KIAA1328: variants seen among roughly 807,000 people sequenced by gnomAD.
KIAA1328 encodes protein hinderin.
Under a neutral mutation model 68.1 loss-of-function variants are expected in KIAA1328, and 52 were observed. The observed-to-expected ratio is 0.76, with a 90% confidence interval of 0.61 to 0.96. KIAA1328 has a LOEUF of 0.96. Among genes scored for constraint, KIAA1328 ranks in the 40% least tolerant of loss-of-function variants. KIAA1328 has a pLI of 0.00. For missense variants in KIAA1328, 641 were observed against 677.6 expected, an observed-to-expected ratio of 0.95 and a Z score of 0.60; for synonymous variants, 232 against 239.4, an observed-to-expected ratio of 0.97 and a Z score of 0.28.
chr18:36,918,685 G>A (rs1402215547), intron 5 of KIAA1328, among the ~76,000 whole-genome samples: 1 of 152,074 alleles, frequency 6.6e-6, no homozygotes, highest in Non-Finnish European at 1.5e-5. Context: ...AAAGTGCTGG[G>A]ATTACATGCG....
intron 3 of KIAA1328, among the ~76,000 whole-genome samples, chr18:36,839,939 A>G (rs1346247161): frequency 2.0e-5 from 3 of 152,118 alleles, no homozygotes; most frequent in Non-Finnish European, 4.4e-5. Flanking sequence ...TCTCACATAC[A>G]TATGCTGGTC....
chr18:37,098,482 T>C (rs1456481809), intron 7 of KIAA1328, among the ~76,000 whole-genome samples: 1 of 152,198 alleles, frequency 6.6e-6, no homozygotes, highest in Admixed American at 6.5e-5. Flanking sequence ...TTGCCAGTAT[T>C]TTATTGAGGA....
At chr18:36,976,010 A>G (rs1003846756) in intron 6 of KIAA1328, among the ~76,000 whole-genome samples, 22 of 152,240 alleles carry the variant, frequency 1.4e-4, no homozygotes, top group Non-Finnish European at 1.3e-4. Flanking sequence ...CATAGAAATC[A>G]ATTGCAATCA....
chr18:37,009,964 G>A (rs2053915589), intron 6 of KIAA1328, among the ~76,000 whole-genome samples: 1 of 152,078 alleles, frequency 6.6e-6, no homozygotes, highest in Non-Finnish European at 1.5e-5. Context: ...TAAAAATTAG[G>A]CAGCTGAAAT....
At chr18:37,175,554 A>G (rs546114308) in intron 9 of KIAA1328, among the ~76,000 whole-genome samples, 92 of 152,344 alleles carry the variant, frequency 6.0e-4, no homozygotes, top group Middle Eastern at 3.4e-3. Context: ...TTAGAAATGC[A>G]TGATGACATC....
chr18:37,195,143 C>G (rs2059979210), intron 9 of KIAA1328, among the ~76,000 whole-genome samples: 1 of 152,100 alleles, frequency 6.6e-6, no homozygotes, highest in Non-Finnish European at 1.5e-5. Context: ...CTAGTTTGAA[C>G]TATATTACTG....
At chr18:37,073,498 C>T (rs1176125100) in intron 7 of KIAA1328, among the ~76,000 whole-genome samples, 1 of 152,144 alleles carries the variant, frequency 6.6e-6, no homozygotes, top group Non-Finnish European at 1.5e-5. Flanking sequence ...TTAAAAGGTT[C>T]CACATGTCTC....
Position 36,995,264 on chromosome 18 carries a change from A to G in KIAA1328, c.576+35829A>G, listed in dbSNP as rs1242119351. 2.0e-5 allele frequency among the ~76,000 whole-genome samples: 3 copies of G among 152,262 alleles called. No homozygotes were observed. The South Asian group carries it at 6.2e-4, about 32-fold the overall frequency. On this transcript the variant is annotated intron_variant, in intron 6 of 9. Transcript: ENST00000280020. ...AGAATGATGGTTTTCAGCTTCATCC[A>G]TGTCCCTGCAAGGGACATGAACTCA...
At chr18:37,200,684 G>T (rs113979291) in intron 9 of KIAA1328, among the ~76,000 whole-genome samples, 1 of 151,802 alleles carries the variant, frequency 6.6e-6, no homozygotes, top group Non-Finnish European at 1.5e-5. Context: ...GGTGGCGGGC[G>T]CCTGTAGTCC....
intron 6 of KIAA1328, among the ~76,000 whole-genome samples, chr18:37,039,419 ATT>A (rs57874276): frequency 1.0e-4 from 15 of 145,298 alleles, no homozygotes; most frequent in East Asian, 2.0e-4. Flanking sequence ...TTTGTTTTTA[ATT>A]TTTTTTTTTT....
intron 7 of KIAA1328, among the ~76,000 whole-genome samples, chr18:37,082,810 T>C (rs1312277693): frequency 2.6e-5 from 4 of 152,214 alleles, no homozygotes; most frequent in Non-Finnish European, 4.4e-5. Context: ...ATATTATTCA[T>C]GATTGTGCCA....
intron 6 of KIAA1328, among the ~76,000 whole-genome samples, chr18:37,017,147 G>A (rs322643): frequency 0.73 from 111,287 of 151,934 alleles, 43,891 homozygotes; most frequent in South Asian, 0.89. Context: ...TATCTCAGAT[G>A]TTTTGGTATG....
chr18:36,952,060 A>G (rs1357098849), intron 5 of KIAA1328, among the ~76,000 whole-genome samples: 2 of 152,148 alleles, frequency 1.3e-5, no homozygotes, highest in Admixed American at 1.3e-4. Context: ...TAGCCTCTTC[A>G]CTCATTCTGT....
intron 8 of KIAA1328, among the ~76,000 whole-genome samples, chr18:37,167,490 G>C (rs2059413833): frequency 1.3e-5 from 2 of 152,140 alleles, no homozygotes; most frequent in Admixed American, 1.3e-4. Context: ...GTTTTACCCT[G>C]GAGTTGGGCT....
intron 8 of KIAA1328, among the ~76,000 whole-genome samples, chr18:37,164,542 C>A (rs1483238407): frequency 1.3e-5 from 2 of 151,994 alleles, no homozygotes; most frequent in Non-Finnish European, 1.5e-5. Flanking sequence ...GTCAGGAATT[C>A]GAGACCAGCC....
At chr18:36,939,574 C>G (rs1188387229) in intron 5 of KIAA1328, among the ~76,000 whole-genome samples, 2 of 152,016 alleles carry the variant, frequency 1.3e-5, no homozygotes, top group Admixed American at 1.3e-4. Context: ...TATTTGGATG[C>G]CTTTTACTTT....
intron 5 of KIAA1328, among the ~76,000 whole-genome samples, chr18:36,913,539 T>G: frequency 4.5e-5 from 1 of 22,064 alleles, no homozygotes; most frequent in Non-Finnish European, 1.6e-4. Flanking sequence ...GGAAAGCAAC[T>G]GCCTACACAC....
In KIAA1328 at chr18:37,223,551, T is replaced by A; in HGVS notation, c.*1324T>A. ...TATTACTTGGGAATTTTATTTGATC[T>A]GGAGGGTGTGGCTTTTTTTCTCTCC... On this transcript the variant is annotated 3_prime_UTR_variant, in exon 10 of 10. Transcript: ENST00000280020. 1 of 985,478 alleles carries A rather than the reference T, an allele frequency of 1.0e-6. No homozygotes were observed. Among genetic ancestry groups the A allele is most frequent in the Non-Finnish European group, 1.2e-6 (1 of 829,956 alleles). The allele number at this position is 985,478 out of a possible 1,614,324, so 61.0% of individuals were successfully genotyped here.
At chr18:36,893,990 G>C (rs1193574120) in intron 5 of KIAA1328, among the ~76,000 whole-genome samples, 1 of 152,052 alleles carries the variant, frequency 6.6e-6, no homozygotes, top group Non-Finnish European at 1.5e-5. Context: ...TATTTACAGA[G>C]CACTTTCACT....
Sources: allele counts gnomAD v4.1 joint callset (sites outside exome capture counted in the v4.1 genomes callset), GRCh38; gene constraint gnomAD v4.1.1; transcripts MANE v1.5; gene names NCBI Gene and HGNC (gene_info 2026-07-23, HGNC 2026-07-21).